Variants in ANKS1B observed in about 807,000 individuals in gnomAD.
ANKS1B encodes the protein ankyrin repeat and sterile alpha motif domain-containing protein 1B.
In ANKS1B, 36 loss-of-function variants were observed where a neutral mutation model predicts 148.3. The observed-to-expected ratio is 0.24, with a 90% CI of 0.19 to 0.32. The LOEUF (loss-of-function observed/expected upper bound fraction) is 0.32, where lower values mean the gene tolerates loss of function less well. ANKS1B is among the 10% of genes least tolerant of loss of function. The pLI, the probability that ANKS1B is intolerant of heterozygous loss-of-function variation, is 1.00. For synonymous variants in ANKS1B, 542 were observed against 560.8 expected (o/e 0.97, Z 0.47); for missense variants, 1,157 against 1,542.6 (o/e 0.75, Z 4.19).
At chr12:99,893,254 C>CA (rs944413844) in intron 1 of ANKS1B, among the ~76,000 whole-genome samples, 6 of 151,616 alleles carry the variant, frequency 4.0e-5, no homozygotes, top group Non-Finnish European at 8.8e-5. Context: ...ACTAAAAATA[C>CA]AAAAAAATTA....
At chr12:99,412,574 T>A (rs758654700) in intron 11 of ANKS1B, among the ~76,000 whole-genome samples, 3 of 152,240 alleles carry the variant, frequency 2.0e-5, no homozygotes, top group Admixed American at 6.5e-5. Context: ...TCTTGTTTTG[T>A]CTAAATCTAG....
chr12:98,937,350 G>T (rs764394816), intron 17 of ANKS1B, among the ~76,000 whole-genome samples: 1 of 151,890 alleles, frequency 6.6e-6, no homozygotes, highest in Non-Finnish European at 1.5e-5. Context: ...CGAGGGCCTG[G>T]TGGCCTCCAG....
chr12:99,579,922 C>T (rs969670637), intron 9 of ANKS1B, among the ~76,000 whole-genome samples: 1 of 152,088 alleles, frequency 6.6e-6, no homozygotes, highest in Non-Finnish European at 1.5e-5. Flanking sequence ...CAGCACTATT[C>T]ACAACAGCAA....
intron 17 of ANKS1B, among the ~76,000 whole-genome samples, chr12:99,051,920 G>A (rs554615867): frequency 4.0e-5 from 6 of 151,732 alleles, no homozygotes; most frequent in East Asian, 1.9e-4. Context: ...GTGTAGAACC[G>A]GGACTTTTGG....
intron 14 of ANKS1B, among the ~76,000 whole-genome samples, chr12:99,178,159 A>C (rs1451864054): frequency 6.6e-6 from 1 of 152,202 alleles, no homozygotes; most frequent in Non-Finnish European, 1.5e-5. Context: ...ACTCTTCTGT[A>C]AGATGCTTCA....
chr12:99,105,394 G>A (rs539987529), intron 15 of ANKS1B, among the ~76,000 whole-genome samples: 6 of 152,080 alleles, frequency 3.9e-5, no homozygotes, highest in South Asian at 2.1e-4. Context: ...GCAAAAACAC[G>A]ACAACATCAG....
At chr12:99,210,968 G>A (rs893693286) in intron 14 of ANKS1B, among the ~76,000 whole-genome samples, 41 of 152,150 alleles carry the variant, frequency 2.7e-4, no homozygotes, top group Middle Eastern at 6.8e-3. Context: ...CTATTCAGTC[G>A]GTGTATAACA....
At chr12:99,842,891 C>T (rs1033921355) in intron 1 of ANKS1B, among the ~76,000 whole-genome samples, 3 of 152,250 alleles carry the variant, frequency 2.0e-5, no homozygotes, top group Admixed American at 1.3e-4. Flanking sequence ...TTATTAATTG[C>T]ATAATTCAAA....
intron 12 of ANKS1B, among the ~76,000 whole-genome samples, chr12:99,280,455 T>C (rs2078267739): frequency 6.6e-6 from 1 of 152,148 alleles, no homozygotes; most frequent in Non-Finnish European, 1.5e-5. Flanking sequence ...TAAGCACAAG[T>C]TATGTGTTTT....
intron 2 of ANKS1B, among the ~76,000 whole-genome samples, chr12:99,819,526 C>T (rs1172777843): frequency 6.6e-6 from 1 of 151,390 alleles, no homozygotes; most frequent in East Asian, 1.9e-4. Flanking sequence ...ATCTAGCATG[C>T]ATTAAATACT....
intron 17 of ANKS1B, among the ~76,000 whole-genome samples, chr12:98,958,092 G>A (rs1308222561): frequency 6.6e-6 from 1 of 152,178 alleles, no homozygotes; most frequent in Non-Finnish European, 1.5e-5. Flanking sequence ...TTACGCTCAG[G>A]TTGAGAAATC....
intron 10 of ANKS1B, among the ~76,000 whole-genome samples, chr12:99,491,806 G>A (rs2096558169): frequency 6.6e-6 from 1 of 152,098 alleles, no homozygotes; most frequent in Non-Finnish European, 1.5e-5. Flanking sequence ...GCTCCTGAAC[G>A]ACTTTTGGGT....
chr12:99,123,468 GA>G (rs1004082715), intron 15 of ANKS1B, among the ~76,000 whole-genome samples: 6 of 152,080 alleles, frequency 3.9e-5, no homozygotes, highest in African/African-American at 1.2e-4. Flanking sequence ...GTGGATAGAT[GA>G]ATATATGAAG....
intron 9 of ANKS1B, among the ~76,000 whole-genome samples, chr12:99,571,913 C>A (rs1387770842): frequency 6.6e-6 from 1 of 152,106 alleles, no homozygotes; most frequent in Non-Finnish European, 1.5e-5. Flanking sequence ...ACTCTCTGGA[C>A]TACCCCCCAA....
intron 1 of ANKS1B, among the ~76,000 whole-genome samples, chr12:99,859,635 G>C (rs986611920): frequency 6.6e-6 from 1 of 151,246 alleles, no homozygotes; most frequent in Non-Finnish European, 1.5e-5. Context: ...ACTGTTGAAA[G>C]TTTTTTGTTT....
chr12:99,570,500 A>T (rs568068100), intron 9 of ANKS1B, among the ~76,000 whole-genome samples: 2 of 152,218 alleles, frequency 1.3e-5, no homozygotes, highest in Admixed American at 1.3e-4. Flanking sequence ...ACAAAAAATT[A>T]GCTGGGCATG....
intron 12 of ANKS1B, among the ~76,000 whole-genome samples, chr12:99,292,269 G>C (rs1343099286): frequency 6.6e-6 from 1 of 151,846 alleles, no homozygotes; most frequent in African/African-American, 2.4e-5. Context: ...AAGATGGGCA[G>C]ATCACGAGGT....
At chr12:99,310,824 CCTGA>C (rs1266702219) in intron 12 of ANKS1B, among the ~76,000 whole-genome samples, 3 of 152,132 alleles carry the variant, frequency 2.0e-5, no homozygotes, top group Non-Finnish European at 4.4e-5. Context: ...TTTGGAGAAT[CCTGA>C]CTAATACAAA....
At chr12:99,555,075 TG>T (rs796741700) in intron 9 of ANKS1B, among the ~76,000 whole-genome samples, 27 of 152,296 alleles carry the variant, frequency 1.8e-4, no homozygotes, top group African/African-American at 6.3e-4. Context: ...GCATTTATAT[TG>T]GTTCCATGTC....
Sources: allele counts gnomAD v4.1 joint callset (sites outside exome capture counted in the v4.1 genomes callset), GRCh38; gene constraint gnomAD v4.1.1; transcripts MANE v1.5; gene names NCBI Gene and HGNC (gene_info 2026-07-23, HGNC 2026-07-21).